ATP11A: variants seen among roughly 807,000 people sequenced by gnomAD.
The protein encoded by ATP11A is phospholipid-transporting ATPase IH.
Under a neutral mutation model 154.4 loss-of-function variants are expected in ATP11A, and 81 were observed. The ratio of observed to expected loss-of-function variants is 0.52; its 90% CI spans 0.44 to 0.63. ATP11A has a LOEUF of 0.63. Among genes scored for constraint, ATP11A ranks in the 30% least tolerant of loss-of-function variants. The pLI is 0.00. For missense variants in ATP11A, 1,316 were observed against 1,474.3 expected (o/e 0.89, Z 1.76); for synonymous variants, 623 against 585.9 (o/e 1.06, Z -0.91).
intron 1 of ATP11A, among the ~76,000 whole-genome samples, chr13:112,751,615 G>A (rs767095471): frequency 1.3e-5 from 2 of 151,824 alleles, no homozygotes; most frequent in Admixed American, 6.6e-5. Context: ...AGCCGAGATC[G>A]CACCAGTGCA....
intron 1 of ATP11A, among the ~76,000 whole-genome samples, chr13:112,739,259 C>T (rs556210593): frequency 6.6e-6 from 1 of 152,212 alleles, no homozygotes; most frequent in African/African-American, 2.4e-5. Context: ...ACACAAAGAA[C>T]TCTGTCAACT....
At position 112,875,058 on chromosome 13, in the gene ATP11A, C is replaced by T. The variant is rs1216795932; in HGVS notation, c.3162-718C>T. Reference sequence around the variant, plus strand: ...ATCCTCCTGCCCGCCACCAGCACCACGTGGGTGCCCCCAGCCCCATCCCAG... The same window carrying T: ...ATCCTCCTGCCCGCCACCAGCACCATGTGGGTGCCCCCAGCCCCATCCCAG... On this transcript the variant is annotated intron_variant, in intron 27 of 29. Transcript: ENST00000375645. This position sits in a 1 kb window ranked among gnomAD's most constrained non-coding sequence, Gnocchi z 4.1. 6.6e-6 allele frequency among the ~76,000 whole-genome samples: 1 copy of T among 152,220 alleles called. No individual in the cohort carries two copies. The highest frequency in any genetic ancestry group is 2.4e-5 in the African/African-American group (1 of 41,460).
chr13:112,873,752 C>T, intron 27 of ATP11A, 76 bp downstream of exon 27: 1 of 1,423,178 alleles, frequency 7.0e-7, no homozygotes, highest in East Asian at 2.3e-5. Flanking sequence ...GTTGAAGACA[C>T]ATTTTCCGTG....
chr13:112,855,957 G>C lies in ATP11A; in HGVS notation c.2290G>C (p.Ala764Pro), dbSNP rs767616668. The change falls in exon 20 of 30, where the codon GCA becomes CCA. Residue 764 changes from alanine (A) to proline (P), a missense_variant. This residue lies in a region of ATP11A where 876 missense variants were observed against 1,006.8 expected (regional missense o/e 0.87). Transcript: ENST00000375645. The stretch of plus-strand genomic sequence containing the variant: ...CTACGGTTTAATTATCGACGGAGCT[G>C]CACTGTCTCTGATAATGAAGCCTCG... ...QDYGLIIDGAALSLIMKPRED... is the reference protein window; with the variant it reads ...QDYGLIIDGAPLSLIMKPRED... 1.2e-6 allele frequency: 2 copies of C among 1,614,194 alleles called. No individual in the cohort carries two copies. The highest frequency in any genetic ancestry group is 1.7e-6 in the Non-Finnish European group (2 of 1,180,026).
chr13:112,878,562 A>C, intron 29 of ATP11A: 1 of 559,720 alleles, frequency 1.8e-6, no homozygotes, highest in Non-Finnish European at 3.2e-6. Flanking sequence ...CACCTGTGTG[A>C]GGGTTCAGAC....
At chr13:112,787,129 C>G (rs1221469297) in intron 2 of ATP11A, among the ~76,000 whole-genome samples, 2 of 142,868 alleles carry the variant, frequency 1.4e-5, no homozygotes, top group Non-Finnish European at 3.0e-5. Context: ...CGTGTAGACC[C>G]CTGTGGAGAC....
chr13:112,829,497 A>G (rs551464009), intron 12 of ATP11A, among the ~76,000 whole-genome samples: 1 of 152,352 alleles, frequency 6.6e-6, no homozygotes, highest in African/African-American at 2.4e-5. Context: ...AAGGCATTGG[A>G]CAAAATTCAG....
rs1216985548 is a variant in ATP11A, at chr13:112,884,594, A to G, written c.*2728A>G. ...AATTTTCCACCTCGCAGTAGTTAGTATTTACTTGCCTTAAACTAACTTTGA... is the reference window on the plus strand; with the variant it reads ...AATTTTCCACCTCGCAGTAGTTAGTGTTTACTTGCCTTAAACTAACTTTGA... On this transcript the variant is annotated 3_prime_UTR_variant, in exon 30 of 30. Transcript: ENST00000375645. The G allele has an allele frequency of 1.3e-5, 2 of 152,268 alleles. No homozygotes were observed. The highest frequency in any genetic ancestry group is 4.8e-5 in the African/African-American group (2 of 41,472). The allele number at this position is 152,268 out of a possible 1,614,324, so 9.4% of individuals were successfully genotyped here. A position where few individuals can be genotyped will look rare whatever the true frequency, so the allele number is the denominator to read the frequency against.
chr13:112,727,280 C>G (rs1308109674), intron 1 of ATP11A, among the ~76,000 whole-genome samples: 1 of 152,232 alleles, frequency 6.6e-6, no homozygotes, highest in Non-Finnish European at 1.5e-5. Context: ...CTCCTGACCT[C>G]AGGTGATCTG....
chr13:112,763,468 C>T (rs897556070), intron 1 of ATP11A, among the ~76,000 whole-genome samples: 1 of 152,334 alleles, frequency 6.6e-6, no homozygotes, highest in Admixed American at 6.5e-5. Context: ...ATTATCTTAC[C>T]TCAAAATACA....
At chr13:112,709,239 G>A (rs540087970) in intron 1 of ATP11A, among the ~76,000 whole-genome samples, 1 of 152,234 alleles carries the variant, frequency 6.6e-6, no homozygotes, top group East Asian at 1.9e-4. Context: ...TCATCAGATG[G>A]GTTTTATTTA....
chr13:112,692,407 C>G (rs1594298504), intron 1 of ATP11A, among the ~76,000 whole-genome samples: 1 of 152,326 alleles, frequency 6.6e-6, no homozygotes, highest in East Asian at 1.9e-4. Flanking sequence ...TTTCTGACCC[C>G]TTCATCTTGG....
intron 17 of ATP11A, among the ~76,000 whole-genome samples, chr13:112,846,450 T>C (rs1178454673): frequency 6.6e-6 from 1 of 152,214 alleles, no homozygotes; most frequent in African/African-American, 2.4e-5. Flanking sequence ...GGAGTTTTCA[T>C]GTCTAGAAAT....
chr13:112,712,983 A>T (rs1388764910), intron 1 of ATP11A, among the ~76,000 whole-genome samples: 1 of 152,262 alleles, frequency 6.6e-6, no homozygotes, highest in Non-Finnish European at 1.5e-5. Flanking sequence ...GAATGTTTGA[A>T]AGAGACGTAT....
chr13:112,886,348 C>T lies in ATP11A; in HGVS notation c.*4482C>T, dbSNP rs940220871. On this transcript the variant is annotated 3_prime_UTR_variant, in exon 30 of 30. Coordinates refer to ENST00000375645, the MANE Select transcript of ATP11A (RefSeq NM_015205.3). ...ACCTCCAGCCTTGTTCTTCAAACCA[C>T]TCAGCTCATGTGTTTTGCACTGACT... 2 of 152,252 alleles carry T rather than the reference C, an allele frequency of 1.3e-5. No homozygotes were observed. The highest frequency in any genetic ancestry group is 4.8e-5 in the African/African-American group (2 of 41,468). The allele number at this position is 152,252 out of a possible 1,614,324, so 9.4% of individuals were successfully genotyped here.
At chr13:112,804,560 G>A (rs1314708762) in intron 2 of ATP11A, among the ~76,000 whole-genome samples, 1 of 145,616 alleles carries the variant, frequency 6.9e-6, no homozygotes, top group Non-Finnish European at 1.5e-5. Context: ...AAGCTGCCTG[G>A]AGCTGGGTGA....
chr13:112,804,940 G>GT lies in ATP11A; in HGVS notation c.163-12dup. The GT allele has an allele frequency of 6.5e-7, 1 of 1,530,100 alleles. No homozygotes were observed. The highest frequency in any genetic ancestry group is 1.4e-5 in the African/African-American group (1 of 72,636). The allele number at this position is 1,530,100 out of a possible 1,614,324, so 94.8% of individuals were successfully genotyped here. ...AATCTGATCTCAATGATGGATGTTTGTTTTTCTTTTATGCAGTACACATTT... is the reference window on the plus strand; with the variant it reads ...AATCTGATCTCAATGATGGATGTTTGTTTTTTCTTTTATGCAGTACACATTT... On this transcript the variant is annotated splice_polypyrimidine_tract_variant and intron_variant, in intron 2 of 29. Transcript: ENST00000375645.
At chr13:112,825,387 A>C (rs926881549) in intron 10 of ATP11A, 43 bp from the exon 11 acceptor site, 17 of 1,560,376 alleles carry the variant, frequency 1.1e-5, no homozygotes, top group Non-Finnish European at 1.4e-5. Context: ...TGCAGAGCTC[A>C]TTTCCTCAGG....
chr13:112,790,012 C>T (rs889053762), intron 2 of ATP11A, among the ~76,000 whole-genome samples: 6 of 145,620 alleles, frequency 4.1e-5, no homozygotes, highest in African/African-American at 1.3e-4. Flanking sequence ...TTAATTCACA[C>T]CCAGCATCCT....
Sources: gnomAD v4.1 joint callset for allele counts (sites outside exome capture counted in the v4.1 genomes callset) on GRCh38, gnomAD v4.1.1 for gene constraint, gnomAD v4.1.1 regional missense constraint, Gnocchi (gnomAD v3.1) non-coding constraint, MANE v1.5 for transcripts, NCBI Gene and HGNC (gene_info 2026-07-23, HGNC 2026-07-21) for gene names.